The following CCDC6 variants were observed in gnomAD, a reference collection of about 807,000 sequenced individuals.
CCDC6 encodes coiled-coil domain containing 6.
A neutral mutation model predicts 56.6 loss-of-function variants in CCDC6; 20 were observed. That is an observed-to-expected ratio of 0.35 (90% CI 0.25 to 0.51). The LOEUF (loss-of-function observed/expected upper bound fraction) is 0.51, where lower values mean the gene tolerates loss of function less well. Ranked by LOEUF, CCDC6 falls within the 20% of genes least tolerant of loss-of-function variation. The pLI is 0.95. For missense variants in CCDC6, 367 were observed against 601.1 expected, an observed-to-expected ratio of 0.61 and a Z score of 4.07; for synonymous variants, 241 against 234.4, an observed-to-expected ratio of 1.03 and a Z score of -0.26.
chr10:59,900,532 G>C (rs920648575), intron 1 of CCDC6, among the ~76,000 whole-genome samples: 1 of 152,150 alleles, frequency 6.6e-6, no homozygotes, highest in East Asian at 1.9e-4. Flanking sequence ...AGCAAGCAGG[G>C]CATTCCAATC....
chr10:59,825,241 G>T (rs2070778392), intron 3 of CCDC6, among the ~76,000 whole-genome samples: 1 of 152,164 alleles, frequency 6.6e-6, no homozygotes, highest in South Asian at 2.1e-4. Context: ...TTGAATCATA[G>T]GGGCAGTTTC....
chr10:59,811,767 A>C (rs887546710), intron 5 of CCDC6, among the ~76,000 whole-genome samples: 1 of 152,066 alleles, frequency 6.6e-6, no homozygotes, highest in East Asian at 1.9e-4. Flanking sequence ...TGAATACTGT[A>C]TTTTCCATCC....
chr10:59,864,164 C>A (rs1462647151), intron 1 of CCDC6, among the ~76,000 whole-genome samples: 6 of 152,144 alleles, frequency 3.9e-5, no homozygotes, highest in African/African-American at 1.4e-4. Context: ...AGCAAAGATT[C>A]AAAGTAGAAG....
chr10:59,827,089 C>T (rs1355966185), intron 3 of CCDC6, among the ~76,000 whole-genome samples: 3 of 152,146 alleles, frequency 2.0e-5, no homozygotes, highest in East Asian at 3.9e-4. Context: ...GGAGGAGGGA[C>T]GCTAGTAAGG....
chr10:59,794,686 T>G, intron 7 of CCDC6, 89 bp from the exon 8 acceptor site: 1 of 1,077,666 alleles, frequency 9.3e-7, no homozygotes, highest in East Asian at 2.4e-5. Flanking sequence ...GCAGTAGTTC[T>G]CTATCACCCA....
At chr10:59,859,423 T>C (rs1026429520) in intron 1 of CCDC6, among the ~76,000 whole-genome samples, 4 of 152,132 alleles carry the variant, frequency 2.6e-5, no homozygotes, top group African/African-American at 9.7e-5. Flanking sequence ...AATAACTTTA[T>C]AAAACATTTA....
chr10:59,812,514 T>C, intron 5 of CCDC6, 121 bp downstream of exon 5: 1 of 622,734 alleles, frequency 1.6e-6, no homozygotes, highest in Non-Finnish European at 2.5e-6. Context: ...TAAACATGCA[T>C]CAGTAATATA....
chr10:59,823,193 A>C (rs1160869289), intron 3 of CCDC6, among the ~76,000 whole-genome samples: 1 of 152,206 alleles, frequency 6.6e-6, no homozygotes, highest in African/African-American at 2.4e-5. Context: ...GCAGATACAA[A>C]AGGCTGTCAC....
At chr10:59,821,521 T>TA (rs1192033983) in intron 3 of CCDC6, among the ~76,000 whole-genome samples, 3 of 152,192 alleles carry the variant, frequency 2.0e-5, no homozygotes, top group Non-Finnish European at 2.9e-5. Context: ...ACAGATAAAC[T>TA]AAGACAGGTG....
At chr10:59,810,179 C>A (rs958243703) in intron 5 of CCDC6, among the ~76,000 whole-genome samples, 1 of 152,168 alleles carries the variant, frequency 6.6e-6, no homozygotes, top group Non-Finnish European at 1.5e-5. Flanking sequence ...TGAGGAGCCA[C>A]CTGCCATAGC....
intron 1 of CCDC6, among the ~76,000 whole-genome samples, chr10:59,888,983 G>T (rs2071402487): frequency 6.6e-6 from 1 of 151,834 alleles, no homozygotes; most frequent in African/African-American, 2.4e-5. Flanking sequence ...CACTAACATG[G>T]GCAGCCATTT....
intron 2 of CCDC6, among the ~76,000 whole-genome samples, chr10:59,844,598 A>AAC (rs1178278916): frequency 6.6e-6 from 1 of 151,454 alleles, no homozygotes; most frequent in South Asian, 2.1e-4. Context: ...TAAAAAAAAA[A>AAC]AAAAATACAA....
intron 6 of CCDC6, 183 bp downstream of exon 6, chr10:59,806,739 A>G (rs1482395491): frequency 2.2e-6 from 1 of 464,352 alleles, no homozygotes; most frequent in Non-Finnish European, 3.7e-6. Context: ...TTTTGTGTTT[A>G]AGGAAAATGT....
At chr10:59,887,415 A>G (rs1162904765) in intron 1 of CCDC6, among the ~76,000 whole-genome samples, 2 of 152,090 alleles carry the variant, frequency 1.3e-5, no homozygotes, top group African/African-American at 4.8e-5. Context: ...TTGAGACAAA[A>G]GACTGAAAAC....
intron 5 of CCDC6, 129 bp from the exon 6 acceptor site, chr10:59,807,207 G>A (rs1254362751): frequency 8.8e-6 from 7 of 796,120 alleles, no homozygotes; most frequent in South Asian, 1.9e-5. Flanking sequence ...CTTTCTGGTC[G>A]GGTATGGTGG....
chr10:59,835,765 A>G (rs2070876831), intron 2 of CCDC6, among the ~76,000 whole-genome samples: 1 of 152,192 alleles, frequency 6.6e-6, no homozygotes, highest in African/African-American at 2.4e-5. Flanking sequence ...TGCCAATAAA[A>G]AGAGAAACAC....
chr10:59,905,400 C>A (rs754536715), intron 1 of CCDC6, among the ~76,000 whole-genome samples: 9 of 152,216 alleles, frequency 5.9e-5, no homozygotes, highest in Non-Finnish European at 1.3e-4. Context: ...TCTGGCTCAG[C>A]CAGGGAGTCA....
chr10:59,906,495 G>T lies in CCDC6; in HGVS notation c.-71C>A. 1.5e-6 allele frequency: 2 copies of T among 1,323,384 alleles called. No individual in the cohort carries two copies. Among genetic ancestry groups the T allele is most frequent in the South Asian group, 1.6e-5 (1 of 62,432 alleles). 82.0% of individuals were successfully genotyped at this position (1,323,384 alleles called of 1,614,324 possible). A position where few individuals can be genotyped will look rare whatever the true frequency, so the allele number is the denominator to read the frequency against. On this transcript the variant is annotated 5_prime_UTR_variant, in exon 1 of 9. Transcript: ENST00000263102. ...CGGCGACGAAGGCCGGGCTGCGAATGAGTGGGCGCCGGGCGAGCACAGGGG... is the reference window on the plus strand; with the variant it reads ...CGGCGACGAAGGCCGGGCTGCGAATTAGTGGGCGCCGGGCGAGCACAGGGG...
intron 1 of CCDC6, among the ~76,000 whole-genome samples, chr10:59,853,391 A>G (rs2071055218): frequency 6.6e-6 from 1 of 152,072 alleles, no homozygotes; most frequent in Non-Finnish European, 1.5e-5. Context: ...AAAATTAGTC[A>G]GGCATGGTGG....
Sources: allele counts gnomAD v4.1 joint callset (sites outside exome capture counted in the v4.1 genomes callset), GRCh38; gene constraint gnomAD v4.1.1; transcripts MANE v1.5; gene names NCBI Gene and HGNC (gene_info 2026-07-23, HGNC 2026-07-21).